Variants in GATB observed in about 807,000 individuals in gnomAD.
GATB encodes the protein glutamyl-tRNA(Gln) amidotransferase subunit B, mitochondrial.
In GATB, 39 loss-of-function variants were observed where a neutral mutation model predicts 62.3. The observed-to-expected ratio is 0.63, with a 90% CI of 0.48 to 0.82. The LOEUF (loss-of-function observed/expected upper bound fraction) is 0.82. GATB is among the 40% of genes least tolerant of loss of function. GATB has a pLI of 0.00. For synonymous variants in GATB, 276 were observed against 258.9 expected, an observed-to-expected ratio of 1.07 and a Z score of -0.63; for missense variants, 670 against 684.0, an observed-to-expected ratio of 0.98 and a Z score of 0.23.
rs767868731 is a variant in GATB, at chr4:151,672,237, C to G, written c.1545+525G>C. Among the ~76,000 whole-genome samples, 93 of 152,318 alleles carry G rather than the reference C, an allele frequency of 6.1e-4. 3 individuals carry two copies. The highest frequency in any genetic ancestry group is 6.5e-4 in the Admixed American group (10 of 15,308). ...TATGTCTTGTGCTGTGCTAAGAACA[C>G]AAAATGACCTGGTTTTCAGTCATGC... On this transcript the variant is annotated intron_variant, in intron 12 of 12. Transcript: ENST00000263985.
At chr4:151,697,963 A>ATATATATATATATATATATGTG (rs1560847733) in intron 9 of GATB, among the ~76,000 whole-genome samples, 15 of 116,678 alleles carry the variant, frequency 1.3e-4, no homozygotes, top group Middle Eastern at 4.2e-3. Flanking sequence ...GTATATATAT[A>ATATATATATATATATATATGTG]TATATATATA....
intron 9 of GATB, among the ~76,000 whole-genome samples, chr4:151,692,624 T>C (rs570450866): frequency 1.3e-5 from 2 of 152,276 alleles, no homozygotes; most frequent in Admixed American, 1.3e-4. Context: ...CAGGCCATAC[T>C]GGGCTCCGGG....
intron 5 of GATB, among the ~76,000 whole-genome samples, chr4:151,714,579 T>C (rs1738878931): frequency 6.6e-6 from 1 of 152,260 alleles, no homozygotes. Context: ...TGTCACTGAC[T>C]GATGAGTTCT....
chr4:151,702,333 A>C (rs72730144), intron 8 of GATB, among the ~76,000 whole-genome samples: 4,256 of 152,340 alleles, frequency 0.028, 80 homozygotes, highest in Middle Eastern at 0.071. Context: ...TTGCCTAAAC[A>C]AAATGTGACA....
chr4:151,743,809 C>T (rs964698524), intron 2 of GATB, among the ~76,000 whole-genome samples: 28 of 152,182 alleles, frequency 1.8e-4, no homozygotes, highest in African/African-American at 6.8e-4. Context: ...TTTTGTAGGA[C>T]AGGTTTCTAC....
intron 2 of GATB, 91 bp downstream of exon 2, chr4:151,758,681 T>G: frequency 9.2e-7 from 1 of 1,089,608 alleles, no homozygotes; most frequent in African/African-American, 1.6e-5. Context: ...TCCAAAGAGT[T>G]GTGTTATTAT....
chr4:151,688,103 G>A (rs1738288585), intron 10 of GATB, among the ~76,000 whole-genome samples: 1 of 152,152 alleles, frequency 6.6e-6, no homozygotes. Context: ...TGGCGTTCCT[G>A]AGCCTGCTGT....
intron 5 of GATB, among the ~76,000 whole-genome samples, chr4:151,715,528 T>C (rs1395368330): frequency 6.6e-6 from 1 of 152,226 alleles, no homozygotes; most frequent in Admixed American, 6.5e-5. Flanking sequence ...TAATTAAGAT[T>C]TTATCTCAGG....
intron 4 of GATB, 29 bp downstream of exon 4, chr4:151,716,847 G>A (rs750576236): frequency 1.2e-6 from 2 of 1,604,086 alleles, no homozygotes; most frequent in Non-Finnish European, 1.7e-6. Context: ...AAGTAGGAAG[G>A]AGAAATAATG....
At chr4:151,700,752 G>C (rs1021399191) in intron 9 of GATB, among the ~76,000 whole-genome samples, 3 of 152,192 alleles carry the variant, frequency 2.0e-5, no homozygotes, top group African/African-American at 4.8e-5. Flanking sequence ...GCTTTGAAAA[G>C]GATGGAAAAT....
In GATB at chr4:151,717,060, A is replaced by C; in HGVS notation, c.456T>G (p.Ile152Met). ...CAGCAATTGGGAGCCTCTGCTGGGT[A>C]ATTTGGTAGCCTGCCTGCACACAAA... ...FYADLPAGYQ[I>M]TQQRLPIAVN... The change falls in exon 4 of 13, where the codon ATT becomes ATG. Residue 152 changes from isoleucine (I) to methionine (M), a missense_variant. Physicochemically the swap from Ile to Met is conservative, Grantham distance 10. Transcript: ENST00000263985. 1 of 1,614,164 alleles carries C rather than the reference A, an allele frequency of 6.2e-7. No homozygotes were observed. The highest frequency in any genetic ancestry group is 8.5e-7 in the Non-Finnish European group (1 of 1,180,034).
At chr4:151,737,569 A>C (rs1207185880) in intron 2 of GATB, among the ~76,000 whole-genome samples, 2 of 152,248 alleles carry the variant, frequency 1.3e-5, no homozygotes, top group Non-Finnish European at 2.9e-5. Flanking sequence ...AGTAATGAGA[A>C]GCAGAATGTT....
chr4:151,744,456 T>C (rs1739556055), intron 2 of GATB, among the ~76,000 whole-genome samples: 1 of 151,874 alleles, frequency 6.6e-6, no homozygotes, highest in Admixed American at 6.6e-5. Context: ...CAAATACATA[T>C]TGATAGAAAG....
At chr4:151,674,344 G>C (rs748762424) in intron 11 of GATB, 14 of 152,222 alleles carry the variant, frequency 9.2e-5, no homozygotes, top group Non-Finnish European at 1.6e-4. Flanking sequence ...CTGGGGACCT[G>C]GATGGCGTTC....
At chr4:151,703,009 CAG>C (rs1738639071) in intron 8 of GATB, among the ~76,000 whole-genome samples, 3 of 152,158 alleles carry the variant, frequency 2.0e-5, no homozygotes, top group South Asian at 2.1e-4. Context: ...ACTCCACACT[CAG>C]GGGAAGGCGC....
At position 151,703,881 on chromosome 4, in the gene GATB, A is replaced by G; in HGVS notation, c.977T>C (p.Met326Thr). ...GTCCTGTTTTCCTTCTTTGTCTCTC[A>G]TTGACATGGTGCACCTGCAATAGTT... ...FHHKLGCTMS[M>T]RDKEGKQDYR... is the part of the protein sequence containing the mutation. The change falls in exon 8 of 13, where the codon ATG becomes ACG. Residue 326 changes from methionine to threonine, a missense_variant. By Grantham distance (81) the Met-to-Thr change is moderately conservative (BLOSUM62 -1). Transcript: ENST00000263985. 2 of 1,607,520 alleles carry G rather than the reference A, an allele frequency of 1.2e-6. No homozygotes were observed. The highest frequency in any genetic ancestry group is 1.7e-6 in the Non-Finnish European group (2 of 1,174,058).
At chr4:151,681,277 G>A (rs1738132405) in intron 10 of GATB, among the ~76,000 whole-genome samples, 1 of 152,174 alleles carries the variant, frequency 6.6e-6, no homozygotes, top group Non-Finnish European at 1.5e-5. Flanking sequence ...TACTGAGGCA[G>A]CCCATCATCC....
chr4:151,750,082 C>T (rs906979242), intron 2 of GATB, among the ~76,000 whole-genome samples: 5 of 152,102 alleles, frequency 3.3e-5, no homozygotes, highest in African/African-American at 7.2e-5. Context: ...AGGGTTTCAC[C>T]GTGTTAGCCA....
chr4:151,723,869 A>C (rs1182852011), intron 2 of GATB: 2 of 152,214 alleles, frequency 1.3e-5, no homozygotes, highest in African/African-American at 4.8e-5. Context: ...GTGGCCAACA[A>C]ATTTTATGAC....
Sources: gnomAD v4.1 joint callset for allele counts (sites outside exome capture counted in the v4.1 genomes callset) on GRCh38, gnomAD v4.1.1 for gene constraint, MANE v1.5 for transcripts, NCBI Gene and HGNC (gene_info 2026-07-23, HGNC 2026-07-21) for gene names.